SLCO2A1: variants seen among roughly 807,000 people sequenced by gnomAD.
The protein encoded by SLCO2A1 is matrin F/G 1.
SLCO2A1 carries 60 observed loss-of-function variants against 71.7 expected under a neutral mutation model. The ratio of observed to expected loss-of-function variants is 0.84; its 90% CI spans 0.68 to 1.04. The LOEUF is 1.04. Ranked by LOEUF, SLCO2A1 falls within the 50% of genes least tolerant of loss-of-function variation. The pLI, the probability that SLCO2A1 is intolerant of heterozygous loss-of-function variation, is 0.00. For missense variants in SLCO2A1, 745 were observed against 813.4 expected (o/e 0.92, Z 1.02); for synonymous variants, 308 against 326.7 (o/e 0.94, Z 0.62).
At chr3:134,007,598 T>G (rs956671301) in intron 1 of SLCO2A1, among the ~76,000 whole-genome samples, 3 of 152,222 alleles carry the variant, frequency 2.0e-5, no homozygotes, top group African/African-American at 7.2e-5. Flanking sequence ...GAAATTTTTT[T>G]ACCCAGAGAT....
chr3:133,958,057 C>G (rs901881628), intron 3 of SLCO2A1, among the ~76,000 whole-genome samples: 3 of 152,164 alleles, frequency 2.0e-5, no homozygotes, highest in Non-Finnish European at 4.4e-5. Context: ...GTAAAATGCT[C>G]CTGCTGAAAG....
At chr3:134,008,285 ACTGT>A (rs1335617483) in intron 1 of SLCO2A1, among the ~76,000 whole-genome samples, 2 of 152,134 alleles carry the variant, frequency 1.3e-5, no homozygotes, top group Non-Finnish European at 2.9e-5. Flanking sequence ...TGCTCTGTCC[ACTGT>A]CTATCTCACT....
At chr3:133,995,314 C>A (rs1037189953) in intron 1 of SLCO2A1, among the ~76,000 whole-genome samples, 5 of 152,156 alleles carry the variant, frequency 3.3e-5, no homozygotes, top group Non-Finnish European at 7.4e-5. Flanking sequence ...AATGGATTCC[C>A]CCCACCTCAG....
chr3:134,024,250 G>A (rs896872102), intron 1 of SLCO2A1, among the ~76,000 whole-genome samples: 9 of 152,190 alleles, frequency 5.9e-5, no homozygotes, highest in East Asian at 1.9e-4. Flanking sequence ...ATAAGACATC[G>A]TAAAGCGAGA....
intron 3 of SLCO2A1, among the ~76,000 whole-genome samples, chr3:133,960,048 A>G (rs557392967): frequency 6.6e-6 from 1 of 152,316 alleles, no homozygotes; most frequent in African/African-American, 2.4e-5. Flanking sequence ...TGAACCCAGG[A>G]AGCGGAGCTT....
intron 3 of SLCO2A1, among the ~76,000 whole-genome samples, chr3:133,955,576 GT>G (rs1176673382): frequency 6.6e-6 from 1 of 152,106 alleles, no homozygotes; most frequent in East Asian, 1.9e-4. Context: ...GGGGGAGGGG[GT>G]CCAGGGTCAA....
chr3:133,999,880 T>C (rs1935065322), intron 1 of SLCO2A1, among the ~76,000 whole-genome samples: 1 of 152,206 alleles, frequency 6.6e-6, no homozygotes, highest in Admixed American at 6.5e-5. Flanking sequence ...ATTTTATCTC[T>C]ATCTGGCCAT....
rs1559927523 is a variant in SLCO2A1 at position 133,938,460 on chromosome 3, GA to G, written c.1658del (p.Ile553ThrfsTer7). On this transcript the variant is annotated frameshift_variant, in exon 12 of 14. Transcript: ENST00000310926. LOFTEE classifies it high-confidence loss of function. ...VVNQEEKSFA[I>X]GVQFLLMRLL... ...AGCGCATCAACAAGAACTGCACCCCGATGGCAAATGACTTTTCCTCCTGGTT... is the reference window on the plus strand; with the variant it reads ...AGCGCATCAACAAGAACTGCACCCCGTGGCAAATGACTTTTCCTCCTGGTT... 1.9e-6 allele frequency: 3 copies of G among 1,614,082 alleles called. No homozygotes were observed. The highest frequency in any genetic ancestry group is 2.5e-6 in the Non-Finnish European group (3 of 1,180,008).
At chr3:133,974,323 T>A (rs1934401780) in intron 2 of SLCO2A1, among the ~76,000 whole-genome samples, 1 of 152,220 alleles carries the variant, frequency 6.6e-6, no homozygotes, top group Admixed American at 6.5e-5. Flanking sequence ...AACATGCTTA[T>A]CTCATTTAAT....
At chr3:134,027,997 G>C (rs1935733363) in intron 1 of SLCO2A1, among the ~76,000 whole-genome samples, 1 of 152,204 alleles carries the variant, frequency 6.6e-6, no homozygotes, top group Admixed American at 6.5e-5. Flanking sequence ...AACTCCTTTA[G>C]GAGGCCAATT....
At chr3:133,944,208 C>T (rs1307627909) in intron 10 of SLCO2A1, among the ~76,000 whole-genome samples, 1 of 152,174 alleles carries the variant, frequency 6.6e-6, no homozygotes, top group Non-Finnish European at 1.5e-5. Context: ...TCACCCTCTC[C>T]CGGAGGCCCC....
intron 1 of SLCO2A1, among the ~76,000 whole-genome samples, chr3:134,010,334 A>T (rs750101358): frequency 6.6e-6 from 1 of 152,190 alleles, no homozygotes; most frequent in Non-Finnish European, 1.5e-5. Context: ...AGGCCTCAGG[A>T]AACTTACAAT....
chr3:133,980,118 C>G (rs2108058677), intron 1 of SLCO2A1, among the ~76,000 whole-genome samples: 2 of 152,338 alleles, frequency 1.3e-5, no homozygotes, highest in South Asian at 4.1e-4. Context: ...CTTCCATTCC[C>G]AACACCTGTC....
intron 1 of SLCO2A1, among the ~76,000 whole-genome samples, chr3:134,015,430 C>T (rs1482690395): frequency 7.6e-5 from 1 of 13,184 alleles, no homozygotes; most frequent in Non-Finnish European, 1.4e-4. Flanking sequence ...GTTACAGAGG[C>T]TGGGGGTGGG....
chr3:133,958,888 G>C (rs1031280170), intron 3 of SLCO2A1, among the ~76,000 whole-genome samples: 2 of 152,164 alleles, frequency 1.3e-5, no homozygotes, highest in African/African-American at 4.8e-5. Flanking sequence ...AGTGTGCTTG[G>C]CTGAGCCATT....
chr3:133,973,537 G>A, intron 3 of SLCO2A1, 126 bp downstream of exon 3: 8 of 1,016,872 alleles, frequency 7.9e-6, no homozygotes, highest in Non-Finnish European at 1.0e-5. Flanking sequence ...ACATACTTCA[G>A]TATAGTCTGA....
chr3:133,998,867 G>A (rs1935038455), intron 1 of SLCO2A1: 1 of 152,304 alleles, frequency 6.6e-6, no homozygotes, highest in African/African-American at 2.4e-5. Context: ...ATCCCTGGAA[G>A]AGGCCTCTTC....
intron 3 of SLCO2A1, among the ~76,000 whole-genome samples, chr3:133,962,412 C>A (rs1383033228): frequency 6.6e-6 from 1 of 151,700 alleles, no homozygotes; most frequent in Admixed American, 6.6e-5. Flanking sequence ...TTAAGCTCTT[C>A]CCTTATAAAA....
In SLCO2A1 at chr3:133,938,459, C is replaced by T. The variant is rs1177054873; in HGVS notation, c.1660G>A (p.Gly554Arg). Residue 554 changes from glycine (G) to arginine (R), a missense_variant, in exon 12 of 14, where the codon GGG (glycine) becomes AGG (arginine). By Grantham distance (125) the Gly-to-Arg change is moderately radical. Transcript: ENST00000310926. ...VNQEEKSFAIGVQFLLMRLLA... is the reference protein window; with the variant it reads ...VNQEEKSFAIRVQFLLMRLLA... ...AAGCGCATCAACAAGAACTGCACCC[C>T]GATGGCAAATGACTTTTCCTCCTGG... 1.1e-5 allele frequency: 18 copies of T among 1,613,986 alleles called. No homozygotes were observed. The highest frequency in any genetic ancestry group is 4.4e-5 in the South Asian group (4 of 91,086).
Sources: gnomAD v4.1 joint callset for allele counts (sites outside exome capture counted in the v4.1 genomes callset) on GRCh38, gnomAD v4.1.1 for gene constraint, MANE v1.5 for transcripts, NCBI Gene and HGNC (gene_info 2026-07-23, HGNC 2026-07-21) for gene names.